Variants in TENM2 observed in about 807,000 individuals in gnomAD.
The protein encoded by TENM2 is teneurin transmembrane protein 2.
TENM2 carries 52 observed loss-of-function variants against 245.2 expected under a neutral mutation model. The observed-to-expected ratio is 0.21, with a 90% CI of 0.17 to 0.27. The LOEUF (loss-of-function observed/expected upper bound fraction) is 0.27. TENM2 is among the 10% of genes least tolerant of loss of function. TENM2 has a pLI of 1.00. For missense variants in TENM2, 3,046 were observed against 3,666.8 expected, an observed-to-expected ratio of 0.83 and a Z score of 4.37; for synonymous variants, 1,363 against 1,438.9, an observed-to-expected ratio of 0.95 and a Z score of 1.19.
intron 9 of TENM2, among the ~76,000 whole-genome samples, chr5:168,114,402 C>T (rs971055603): frequency 6.6e-6 from 1 of 152,168 alleles, no homozygotes; most frequent in Non-Finnish European, 1.5e-5. Context: ...TATAACCTGT[C>T]ATAAAAAATA....
chr5:167,992,968 G>A (rs755005974), exon 5 of TENM2: 12 of 1,613,838 alleles, frequency 7.4e-6, no homozygotes, highest in Middle Eastern at 1.6e-4. Flanking sequence ...AGACCTCCTC[G>A]GGGAGCACAC....
chr5:167,635,754 C>G (rs1582609962), intron 2 of TENM2, among the ~76,000 whole-genome samples: 1 of 150,192 alleles, frequency 6.7e-6, no homozygotes, highest in African/African-American at 2.5e-5. Flanking sequence ...ACGCCATTCT[C>G]CTGCCTCAGC....
the TENM2 span, among the ~76,000 whole-genome samples, chr5:167,160,384 C>T: frequency 6.6e-6 from 1 of 152,240 alleles, no homozygotes; most frequent in Non-Finnish European, 1.5e-5. Context: ...TGCTGTGCTC[C>T]AGCCTCACTG....
At chr5:168,201,170 G>A (rs939034179) in intron 17 of TENM2, among the ~76,000 whole-genome samples, 1 of 152,014 alleles carries the variant, frequency 6.6e-6, no homozygotes, top group Non-Finnish European at 1.5e-5. Context: ...ACAGCCCTGG[G>A]GGTCTGCTCC....
At chr5:167,918,053 T>C (rs1184495221) in intron 3 of TENM2, among the ~76,000 whole-genome samples, 2 of 152,154 alleles carry the variant, frequency 1.3e-5, no homozygotes, top group African/African-American at 4.8e-5. Flanking sequence ...TTTAGTACAG[T>C]GCTTAGCACA....
intron 7 of TENM2, among the ~76,000 whole-genome samples, chr5:168,080,324 C>T (rs749955494): frequency 2.0e-5 from 3 of 151,974 alleles, no homozygotes; most frequent in Admixed American, 6.6e-5. Flanking sequence ...TCTCTCTTTT[C>T]TTCTTTATTA....
In TENM2 at chr5:167,564,664, G is replaced by A. The variant is rs1481839307; in HGVS notation, c.502+189191G>A. Among the ~76,000 whole-genome samples the A allele has an allele frequency of 3.3e-5, 5 of 152,160 alleles. No individual in the cohort carries two copies. In the East Asian group the frequency reaches 7.7e-4, roughly 23 times the overall value. On this transcript the variant is annotated intron_variant, in intron 2 of 28. Transcript: ENST00000518659. ...AACAGGCAGTTCTTTTGGGGGACTT[G>A]CCTGTACTCACTTGTACAGTTTCAT...
At chr5:167,172,072 G>A in the TENM2 span, among the ~76,000 whole-genome samples, 1 of 152,162 alleles carries the variant, frequency 6.6e-6, no homozygotes, top group East Asian at 1.9e-4. Flanking sequence ...ATTGGTTGAA[G>A]TCTTAACAAG....
At chr5:167,335,593 C>T (rs796968858) in intron 1 of TENM2, among the ~76,000 whole-genome samples, 3 of 152,052 alleles carry the variant, frequency 2.0e-5, no homozygotes, top group Non-Finnish European at 4.4e-5. Context: ...ATTAGCACCA[C>T]AGATGAGACT....
intron 14 of TENM2, chr5:168,190,874 G>C (rs1418135361): frequency 5.4e-6 from 1 of 185,370 alleles, no homozygotes; most frequent in African/African-American, 2.4e-5. Context: ...CCTTTAAAAT[G>C]CCTCTGATAG....
intron 2 of TENM2, among the ~76,000 whole-genome samples, chr5:167,524,029 C>A (rs1049458506): frequency 6.6e-6 from 1 of 152,148 alleles, no homozygotes; most frequent in South Asian, 2.1e-4. Context: ...ACTGGTTATT[C>A]ATCTCAGTTA....
chr5:167,515,628 TAC>T (rs1770290462), intron 2 of TENM2, among the ~76,000 whole-genome samples: 1 of 142,178 alleles, frequency 7.0e-6, no homozygotes, highest in Non-Finnish European at 1.5e-5. Flanking sequence ...TACATATATA[TAC>T]ATATATATGT....
At position 168,218,962 on chromosome 5, in the gene TENM2, A is replaced by G; in HGVS notation, c.5071A>G (p.Thr1691Ala). The change falls in exon 23 of 29, where the codon ACC becomes GCC. Residue 1691 changes from threonine to alanine, a missense_variant. By Grantham distance (58) the Thr-to-Ala change is moderately conservative. Coordinates refer to ENST00000518659, the Ensembl canonical transcript of TENM2. This position sits in a 1 kb window ranked among gnomAD's most constrained non-coding sequence, Gnocchi z 5.2. ...TGATGGCAACACTGGGCTCCTGGCC[A>G]CCAAGAGCGATGAAACAGGATGGAC... 6.2e-7 allele frequency: 1 copy of G among 1,613,904 alleles called. No homozygotes were observed. The highest frequency in any genetic ancestry group is 2.2e-5 in the East Asian group (1 of 44,884).
intron 2 of TENM2, among the ~76,000 whole-genome samples, chr5:167,388,126 CT>C (rs1180648857): frequency 6.6e-6 from 1 of 152,036 alleles, no homozygotes; most frequent in Non-Finnish European, 1.5e-5. Flanking sequence ...TAGAATTCTG[CT>C]GTGAATCTGT....
At chr5:167,505,242 A>G (rs1054766034) in intron 2 of TENM2, among the ~76,000 whole-genome samples, 2 of 152,190 alleles carry the variant, frequency 1.3e-5, no homozygotes. Flanking sequence ...CTTGGTTTGC[A>G]TGTGGAAAAG....
At chr5:167,850,326 C>T (rs1213971983) in intron 2 of TENM2, among the ~76,000 whole-genome samples, 1 of 152,124 alleles carries the variant, frequency 6.6e-6, no homozygotes, top group African/African-American at 2.4e-5. Flanking sequence ...ACTTTCTGAG[C>T]TACCACAAGG....
At chr5:168,151,820 G>A (rs1001276890) in intron 12 of TENM2, among the ~76,000 whole-genome samples, 4 of 152,204 alleles carry the variant, frequency 2.6e-5, no homozygotes, top group Admixed American at 2.0e-4. Flanking sequence ...TTGCCCTTGG[G>A]GGCCTTCATC....
chr5:167,447,967 T>C (rs1434832853), intron 2 of TENM2, among the ~76,000 whole-genome samples: 2 of 152,036 alleles, frequency 1.3e-5, no homozygotes, highest in Admixed American at 6.6e-5. Flanking sequence ...ATTGAACAGA[T>C]TGGCTTGCAA....
At chr5:168,007,661 T>C (rs1439437644) in intron 5 of TENM2, among the ~76,000 whole-genome samples, 1 of 152,232 alleles carries the variant, frequency 6.6e-6, no homozygotes, top group Non-Finnish European at 1.5e-5. Context: ...AATTCCTTTC[T>C]TGACACACTG....
Sources: allele counts gnomAD v4.1 joint callset (sites outside exome capture counted in the v4.1 genomes callset), GRCh38; gene constraint gnomAD v4.1.1; non-coding constraint Gnocchi (gnomAD v3.1); transcripts MANE v1.5; gene names NCBI Gene and HGNC (gene_info 2026-07-23, HGNC 2026-07-21).